Variants in GRXCR2 observed in about 807,000 individuals in gnomAD.
The protein encoded by GRXCR2 is glutaredoxin domain-containing cysteine-rich protein 2.
In GRXCR2, 23 loss-of-function variants were observed where a neutral mutation model predicts 24.8. The ratio of observed to expected loss-of-function variants is 0.93; its 90% CI spans 0.67 to 1.32. The LOEUF is 1.32. GRXCR2 is among the 40% of genes most tolerant of loss of function. GRXCR2 has a pLI of 0.00. For synonymous variants in GRXCR2, 130 were observed against 116.1 expected, an observed-to-expected ratio of 1.12 and a Z score of -0.77; for missense variants, 315 against 303.4, an observed-to-expected ratio of 1.04 and a Z score of -0.28.
chr5:145,888,638 C>G (rs1756811247), intron 2 of GRXCR2, among the ~76,000 whole-genome samples: 1 of 151,868 alleles, frequency 6.6e-6, no homozygotes. Context: ...AATTCAAAAA[C>G]TAGAGATGCA....
intron 2 of GRXCR2, among the ~76,000 whole-genome samples, chr5:145,926,205 C>G (rs1186617985): frequency 6.6e-6 from 1 of 151,986 alleles, no homozygotes; most frequent in Non-Finnish European, 1.5e-5. Flanking sequence ...GGATTAACGT[C>G]TAATTACAGC....
intron 2 of GRXCR2, among the ~76,000 whole-genome samples, chr5:145,921,997 CA>C (rs1757328537): frequency 6.6e-6 from 1 of 152,112 alleles, no homozygotes; most frequent in African/African-American, 2.4e-5. Context: ...CATTTGTTGT[CA>C]AAAATATATA....
rs1464060343 is a variant in GRXCR2 at position 145,872,880 on chromosome 5, C to A, written c.89G>T (p.Arg30Leu). 1 of 1,614,134 alleles carries A rather than the reference C, an allele frequency of 6.2e-7. No homozygotes were observed. Among genetic ancestry groups the A allele is most frequent in the Non-Finnish European group, 8.5e-7 (1 of 1,179,998 alleles). ...ATCCTCAAAGACCTGCTTCAATACT[C>A]GACCGCTGTAGGAGGAGGAGATTTT... Reference protein sequence around the residue: ...RFKISSSYSGRVLKQVFEDGQ... With the variant: ...RFKISSSYSGLVLKQVFEDGQ... Residue 30 changes from arginine to leucine, a missense_variant, in exon 1 of 3, where the codon CGA becomes CTA. Coordinates refer to ENST00000377976, the MANE Select transcript of GRXCR2 (RefSeq NM_001080516.2).
Position 145,924,722 on chromosome 5 carries a change from A to G in GRXCR2, c.-70+10979T>C, listed in dbSNP as rs75065100. 5.8e-3 allele frequency among the ~76,000 whole-genome samples: 879 copies of G among 152,306 alleles called. 5 individuals are homozygous for G. The highest frequency in any genetic ancestry group is 0.02 in the African/African-American group (833 of 41,570). ...TCTCACCCTCTGTTTCCTCATCTGT[A>G]AGATGGGGGTAATTAAAGGGCTATG... is the stretch of plus-strand genomic sequence containing the variant. On this transcript the variant is annotated intron_variant, in intron 2 of 3. Transcript: ENST00000639411.
rs202201665 is a variant in GRXCR2, at chr5:145,872,664, C to T, written c.305G>A (p.Arg102Gln). Residue 102 changes from arginine to glutamine, a missense_variant, in exon 1 of 3, where the codon CGG (arginine) becomes CAG (glutamine). Arg to Gln is a conservative substitution (Grantham distance 43). Coordinates refer to ENST00000377976, the MANE Select transcript of GRXCR2 (RefSeq NM_001080516.2). ...GTCATTCGCCTTGTAATCGTTGAAC[C>T]GAGGCTGGCCGCCTGCCAAGGTGTA... is the stretch of plus-strand genomic sequence containing the variant. ...NAYTLAGGQP[R>Q]FNDYKANDHK... 1.4e-4 allele frequency: 228 copies of T among 1,606,500 alleles called. No individual in the cohort carries two copies. The highest frequency in any genetic ancestry group is 2.7e-5 in the African/African-American group (2 of 74,676).
chr5:145,904,927 G>T (rs1162680559), intron 2 of GRXCR2, among the ~76,000 whole-genome samples: 1 of 152,004 alleles, frequency 6.6e-6, no homozygotes, highest in East Asian at 1.9e-4. Context: ...GGCTTTTTAG[G>T]GTGTAACAGC....
chr5:145,887,424 A>G (rs528406095), intron 2 of GRXCR2, among the ~76,000 whole-genome samples: 7 of 152,378 alleles, frequency 4.6e-5, no homozygotes, highest in African/African-American at 1.4e-4. Flanking sequence ...TGAGGCCAGT[A>G]GTGCTCCCTA....
chr5:145,889,080 C>A lies in GRXCR2; in HGVS notation c.-69-22352G>T, dbSNP rs544511463. ...TCCTGAGGCAGGAGAATCGCCTGAACCTGGAAGCTGGAGGCAGAGGTTGCA... is the reference window on the plus strand; with the variant it reads ...TCCTGAGGCAGGAGAATCGCCTGAAACTGGAAGCTGGAGGCAGAGGTTGCA... On this transcript the variant is annotated intron_variant, in intron 2 of 3. Transcript: ENST00000639411. Among the ~76,000 whole-genome samples, 13 of 151,832 alleles carry A rather than the reference C, an allele frequency of 8.6e-5. No individual in the cohort carries two copies. The South Asian group carries it at 2.3e-3, about 27-fold the overall frequency.
At chr5:145,884,612 T>C (rs761720218) in intron 2 of GRXCR2, among the ~76,000 whole-genome samples, 20 of 149,064 alleles carry the variant, frequency 1.3e-4, no homozygotes, top group Non-Finnish European at 2.8e-4. Context: ...GCATATATGG[T>C]ACACAAAGTA....
chr5:145,922,941 G>A (rs975104985), intron 2 of GRXCR2, among the ~76,000 whole-genome samples: 2 of 152,204 alleles, frequency 1.3e-5, no homozygotes, highest in African/African-American at 2.4e-5. Context: ...TTATAAAAGC[G>A]GTGCAAGCAT....
At chr5:145,916,611 C>T (rs1326211305) in intron 2 of GRXCR2, among the ~76,000 whole-genome samples, 3 of 152,134 alleles carry the variant, frequency 2.0e-5, no homozygotes, top group African/African-American at 7.2e-5. Context: ...ACTTCAGAGA[C>T]AGATCTATAT....
chr5:145,889,236 GAA>G (rs1191778002), intron 2 of GRXCR2, among the ~76,000 whole-genome samples: 3 of 146,924 alleles, frequency 2.0e-5, no homozygotes, highest in Non-Finnish European at 4.5e-5. Flanking sequence ...AAGAAAGAAA[GAA>G]AGAAAGAATT....
intron 2 of GRXCR2, among the ~76,000 whole-genome samples, chr5:145,892,075 G>A (rs1014902934): frequency 6.6e-5 from 10 of 152,142 alleles, no homozygotes; most frequent in Admixed American, 6.5e-4. Flanking sequence ...TGAGGGTCCT[G>A]ACTGTTAGAA....
intron 2 of GRXCR2, among the ~76,000 whole-genome samples, chr5:145,896,380 T>G (rs539021060): frequency 3.3e-5 from 5 of 152,048 alleles, no homozygotes; most frequent in African/African-American, 7.2e-5. Flanking sequence ...TGCAATCTAC[T>G]CATCTGACAA....
At chr5:145,885,580 C>T (rs998876731) in intron 2 of GRXCR2, among the ~76,000 whole-genome samples, 1 of 152,160 alleles carries the variant, frequency 6.6e-6, no homozygotes, top group Non-Finnish European at 1.5e-5. Context: ...GGTGAAAATG[C>T]TAATAATATA....
chr5:145,929,479 C>A (rs965300637), intron 2 of GRXCR2, among the ~76,000 whole-genome samples: 4 of 151,810 alleles, frequency 2.6e-5, no homozygotes, highest in Admixed American at 2.6e-4. Flanking sequence ...CAGAGAAGTC[C>A]ATTGTACCCG....
upstream of GRXCR2, among the ~76,000 whole-genome samples, chr5:145,877,048 T>C (rs1041267473): frequency 1.3e-5 from 2 of 152,122 alleles, no homozygotes; most frequent in African/African-American, 4.8e-5. Context: ...CTGTGATAAG[T>C]TTGTCTTACT....
chr5:145,870,692 C>A (rs1488427684), intron 1 of GRXCR2, among the ~76,000 whole-genome samples: 1 of 152,182 alleles, frequency 6.6e-6, no homozygotes, highest in East Asian at 1.9e-4. Context: ...CTCTCATTTT[C>A]TTCTTTTTCA....
intron 2 of GRXCR2, among the ~76,000 whole-genome samples, chr5:145,909,315 A>G (rs1481000200): frequency 1.4e-5 from 2 of 142,810 alleles, no homozygotes; most frequent in African/African-American, 2.7e-5. Flanking sequence ...ATCACTAGTA[A>G]ATAGTAAAGA....
Sources: allele counts gnomAD v4.1 joint callset (sites outside exome capture counted in the v4.1 genomes callset), GRCh38; gene constraint gnomAD v4.1.1; transcripts MANE v1.5; gene names NCBI Gene and HGNC (gene_info 2026-07-23, HGNC 2026-07-21).